Variants in CACNA2D1 observed in about 807,000 individuals in gnomAD.
CACNA2D1 encodes the protein voltage-dependent calcium channel subunit alpha-2/delta-1.
CACNA2D1 carries 53 observed loss-of-function variants against 171.5 expected under a neutral mutation model. That is an observed-to-expected ratio of 0.31 (90% CI 0.25 to 0.39). The LOEUF (loss-of-function observed/expected upper bound fraction) is 0.39. CACNA2D1 is among the 10% of genes least tolerant of loss of function. The pLI is 1.00. For missense variants in CACNA2D1, 903 were observed against 1,299.8 expected (o/e 0.69, Z 4.69); for synonymous variants, 442 against 443.1 (o/e 1.00, Z 0.03).
At chr7:82,277,304 G>C (rs1034298213) in intron 3 of CACNA2D1, among the ~76,000 whole-genome samples, 4 of 151,976 alleles carry the variant, frequency 2.6e-5, no homozygotes, top group Non-Finnish European at 4.4e-5. Flanking sequence ...CCAAATTCAA[G>C]TGATTTTCCT....
In CACNA2D1 at chr7:82,005,806, C is replaced by A. The variant is rs147360048; in HGVS notation, c.1474G>T (p.Val492Leu). 1 of 1,608,018 alleles carries A rather than the reference C, an allele frequency of 6.2e-7. No homozygotes were observed. The change falls in exon 17 of 39, where the codon GTG (valine) becomes TTG (leucine). Residue 492 changes from valine (V) to leucine (L), a missense_variant. Val to Leu is a conservative substitution (Grantham distance 32). Coordinates refer to ENST00000356860, the MANE Select transcript of CACNA2D1 (RefSeq NM_000722.4). The part of the protein sequence containing the change: ...QLILGVMGVD[V>L]SLEDIKRLTP... ...AGTCTTTTAATATCTTCCAAAGACA[C>A]ATCTACTCCCATCACACCAAGAATC... is the stretch of plus-strand genomic sequence containing the variant.
rs1196027789 is a variant in CACNA2D1, at chr7:81,974,779, C to A, written c.1956-227G>T. Among the ~76,000 whole-genome samples, 3 of 63,252 alleles carry A rather than the reference C, an allele frequency of 4.7e-5. No individual in the cohort carries two copies. The Admixed American group carries it at 4.8e-4, about 10-fold the overall frequency. 41.5% of individuals were successfully genotyped at this position (63,252 alleles called of 152,430 possible). A position where few individuals can be genotyped will look rare whatever the true frequency, so the allele number is the denominator to read the frequency against. On this transcript the variant is annotated intron_variant, in intron 24 of 38. Transcript: ENST00000356860. ...ACGTTTGGCCTTTGGACAGTAGGTGCTCAATAAGTTTTGGTGTAGTTATAC... is the reference window on the plus strand; with the variant it reads ...ACGTTTGGCCTTTGGACAGTAGGTGATCAATAAGTTTTGGTGTAGTTATAC...
intron 1 of CACNA2D1, among the ~76,000 whole-genome samples, chr7:82,407,164 G>C (rs1769027352): frequency 1.3e-5 from 2 of 152,180 alleles, no homozygotes; most frequent in Admixed American, 1.3e-4. Context: ...CTCTGCTCAA[G>C]TGAATTCTGT....
chr7:82,401,083 T>C (rs1164571582), intron 1 of CACNA2D1, among the ~76,000 whole-genome samples: 1 of 152,006 alleles, frequency 6.6e-6, no homozygotes, highest in East Asian at 1.9e-4. Flanking sequence ...TGTGGAGAAA[T>C]AGTAACACTT....
intron 38 of CACNA2D1, among the ~76,000 whole-genome samples, chr7:81,957,386 T>G (rs1438120093): frequency 6.6e-6 from 1 of 152,056 alleles, no homozygotes; most frequent in African/African-American, 2.4e-5. Flanking sequence ...TATCGCAGAT[T>G]TAGGAATATG....
At chr7:81,963,729 C>T (rs773732525) in intron 34 of CACNA2D1, among the ~76,000 whole-genome samples, 13 of 151,784 alleles carry the variant, frequency 8.6e-5, no homozygotes, top group Non-Finnish European at 1.6e-4. Context: ...ATCAATACAC[C>T]TAAAAGAAAT....
chr7:82,197,289 T>C (rs965505507), intron 3 of CACNA2D1, among the ~76,000 whole-genome samples: 30 of 151,966 alleles, frequency 2.0e-4, no homozygotes, highest in African/African-American at 7.2e-4. Flanking sequence ...GAACAGGAAA[T>C]TTTACATTTC....
intron 11 of CACNA2D1, 94 bp from the exon 12 acceptor site, chr7:82,032,995 G>C: frequency 1.3e-6 from 1 of 742,370 alleles, no homozygotes; most frequent in Non-Finnish European, 2.4e-6. Context: ...CAGGTTGCAA[G>C]TAATTAATGA....
At chr7:82,174,327 A>G (rs1420442246) in intron 3 of CACNA2D1, among the ~76,000 whole-genome samples, 1 of 152,082 alleles carries the variant, frequency 6.6e-6, no homozygotes, top group Non-Finnish European at 1.5e-5. Flanking sequence ...TGCTAATATT[A>G]CGATATTCAG....
intron 21 of CACNA2D1, among the ~76,000 whole-genome samples, chr7:81,989,543 A>G (rs922085010): frequency 1.3e-5 from 2 of 152,266 alleles, no homozygotes; most frequent in Admixed American, 1.3e-4. Flanking sequence ...AGGTTTGGAG[A>G]GTGAAGTGAT....
intron 1 of CACNA2D1, among the ~76,000 whole-genome samples, chr7:82,362,264 C>T (rs1221891488): frequency 6.6e-6 from 1 of 152,104 alleles, no homozygotes; most frequent in South Asian, 2.1e-4. Flanking sequence ...GTTACTGTTC[C>T]TAGTGCTCCA....
At chr7:82,366,680 A>G (rs1205166613) in intron 1 of CACNA2D1, among the ~76,000 whole-genome samples, 3 of 152,174 alleles carry the variant, frequency 2.0e-5, no homozygotes, top group Non-Finnish European at 4.4e-5. Context: ...TGCAATGAAC[A>G]TACGAGTGTA....
intron 5 of CACNA2D1, among the ~76,000 whole-genome samples, chr7:82,120,963 C>G (rs113231510): frequency 0.082 from 12,365 of 151,006 alleles, 633 homozygotes; most frequent in South Asian, 0.15. Flanking sequence ...ATGGCTAGTT[C>G]AGCATTGGAA....
Position 82,007,715 on chromosome 7 carries a change from G to A in CACNA2D1, c.1404C>T (p.Asn468=). ...TCTTATTTTCAAATTGGCCGGTTATGTTGAAGACCGGAAGAGTTCCAGTAA... is the reference window on the plus strand; with the variant it reads ...TCTTATTTTCAAATTGGCCGGTTATATTGAAGACCGGAAGAGTTCCAGTAA... ...LVITGTLPVF[N]ITGQFENKTN... is the part of the protein sequence containing the mutation. Residue 468 remains asparagine, a synonymous_variant, in exon 16 of 39, where the codon AAC becomes AAT. Transcript: ENST00000356860. 6.2e-7 allele frequency: 1 copy of A among 1,600,336 alleles called. No homozygotes were observed. Among genetic ancestry groups the A allele is most frequent in the East Asian group, 2.2e-5 (1 of 44,740 alleles).
chr7:82,124,865 A>G lies in CACNA2D1; in HGVS notation c.397-7692T>C, dbSNP rs530963927. ...TGTTTGATACCTAAAAGTGTAAAAT[A>G]AAAGTTACATACTATAAGACAGCTT... is the stretch of plus-strand genomic sequence containing the variant. On this transcript the variant is annotated intron_variant, in intron 5 of 38. Transcript: ENST00000356860. 1.2e-4 allele frequency among the ~76,000 whole-genome samples: 19 copies of G among 152,324 alleles called. No homozygotes were observed. The East Asian group carries it at 3.7e-3, about 29-fold the overall frequency.
At chr7:81,976,473 G>A (rs767991593) in intron 24 of CACNA2D1, among the ~76,000 whole-genome samples, 2 of 152,266 alleles carry the variant, frequency 1.3e-5, no homozygotes, top group Non-Finnish European at 2.9e-5. Flanking sequence ...TCCCTTTTAA[G>A]TTGTATTCCT....
At chr7:82,323,668 T>C (rs1190980917) in intron 3 of CACNA2D1, among the ~76,000 whole-genome samples, 3 of 152,240 alleles carry the variant, frequency 2.0e-5, no homozygotes, top group African/African-American at 7.2e-5. Flanking sequence ...AGTTTTTGCC[T>C]GTGTGAGTTT....
chr7:82,421,976 T>A (rs913538925), intron 1 of CACNA2D1, among the ~76,000 whole-genome samples: 1 of 152,116 alleles, frequency 6.6e-6, no homozygotes, highest in African/African-American at 2.4e-5. Context: ...ATTCCATGGA[T>A]CCTTGAGAAA....
At chr7:82,434,559 G>A (rs182428205) in intron 1 of CACNA2D1, among the ~76,000 whole-genome samples, 266 of 152,178 alleles carry the variant, frequency 1.7e-3, no homozygotes, top group Admixed American at 6.2e-3. Flanking sequence ...AGTGTGTGTT[G>A]ATCCCCTCTA....
Sources: allele counts gnomAD v4.1 joint callset (sites outside exome capture counted in the v4.1 genomes callset), GRCh38; gene constraint gnomAD v4.1.1; transcripts MANE v1.5; gene names NCBI Gene and HGNC (gene_info 2026-07-23, HGNC 2026-07-21).